Variants in TEX2 observed in about 807,000 individuals in gnomAD.
TEX2 encodes testis-expressed protein 2.
A neutral mutation model predicts 106.9 loss-of-function variants in TEX2; 53 were observed. That is an observed-to-expected ratio of 0.50 (90% CI 0.40 to 0.62). TEX2 has a LOEUF of 0.62. Ranked by LOEUF, TEX2 falls within the 20% of genes least tolerant of loss-of-function variation. TEX2 has a pLI of 0.00. For missense variants in TEX2, 1,207 were observed against 1,379.0 expected (o/e 0.88, Z 1.98); for synonymous variants, 523 against 534.8 (o/e 0.98, Z 0.30).
intron 1 of TEX2, among the ~76,000 whole-genome samples, chr17:64,254,650 T>C (rs2034152275): frequency 6.6e-6 from 1 of 152,242 alleles, no homozygotes; most frequent in Non-Finnish European, 1.5e-5. Context: ...ATAGAAACTT[T>C]CGACATATTA....
chr17:64,247,612 A>G (rs1598226051), intron 1 of TEX2, among the ~76,000 whole-genome samples: 1 of 152,092 alleles, frequency 6.6e-6, no homozygotes, highest in African/African-American at 2.4e-5. Flanking sequence ...CCGCGCGGGG[A>G]GCCTGCAGTT....
At chr17:64,190,460 G>A (rs1422662673) in intron 4 of TEX2, among the ~76,000 whole-genome samples, 1 of 152,126 alleles carries the variant, frequency 6.6e-6, no homozygotes, top group Non-Finnish European at 1.5e-5. Flanking sequence ...ATCCCATTGT[G>A]ACTGAGCCAC....
In TEX2 at chr17:64,214,074, CTCT is replaced by C. The variant is rs1555632238; in HGVS notation, c.141_143del (p.Glu51del). ...CAAAGTACTCCCTGAACTCCTCCTC[CTCT>C]TCCTCCTCCTCCTCGCCGGATGCCG... On this transcript the variant is annotated inframe_deletion, in exon 2 of 12. Coordinates refer to ENST00000584379, the MANE Select transcript of TEX2 (RefSeq NM_001288732.2). The C allele has an allele frequency of 6.2e-7, 1 of 1,614,156 alleles. No homozygotes were observed. The highest frequency in any genetic ancestry group is 1.1e-5 in the South Asian group (1 of 91,084).
chr17:64,192,352 A>T (rs2032330216), intron 4 of TEX2, among the ~76,000 whole-genome samples: 2 of 152,246 alleles, frequency 1.3e-5, no homozygotes, highest in South Asian at 4.1e-4. Flanking sequence ...AAGAAGACAC[A>T]GAGCCACTGA....
chr17:64,259,141 A>G (rs2143530465), intron 1 of TEX2, among the ~76,000 whole-genome samples: 1 of 152,324 alleles, frequency 6.6e-6, no homozygotes, highest in Middle Eastern at 3.4e-3. Flanking sequence ...TGATCCACGC[A>G]GCCATTGGGA....
In TEX2 at chr17:64,147,451, G is replaced by C. The variant is rs1205879393; in HGVS notation, c.*1518C>G. On this transcript the variant is annotated 3_prime_UTR_variant, in exon 12 of 12. Coordinates refer to ENST00000584379, the MANE Select transcript of TEX2 (RefSeq NM_001288732.2). Reference sequence around the variant, plus strand: ...ATGCTTATCTAGTATTTGACATTGAGATATTTATTTTGTGAAACAATGCAA... The same window carrying C: ...ATGCTTATCTAGTATTTGACATTGACATATTTATTTTGTGAAACAATGCAA... 6.6e-6 allele frequency: 1 copy of C among 152,070 alleles called. No homozygotes were observed. Among genetic ancestry groups the C allele is most frequent in the African/African-American group, 2.4e-5 (1 of 41,396 alleles). The allele number at this position is 152,070 out of a possible 1,614,324, so 9.4% of individuals were successfully genotyped here.
At chr17:64,251,097 T>C (rs1014847596) in intron 1 of TEX2, among the ~76,000 whole-genome samples, 4 of 152,186 alleles carry the variant, frequency 2.6e-5, no homozygotes, top group Non-Finnish European at 2.9e-5. Flanking sequence ...GTGCACCCCA[T>C]AGTACTTTGC....
intron 1 of TEX2, among the ~76,000 whole-genome samples, chr17:64,245,384 C>A (rs2033967405): frequency 6.6e-6 from 1 of 152,098 alleles, no homozygotes; most frequent in Admixed American, 6.6e-5. Context: ...ACATACAGAG[C>A]AGAGATCCTT....
chr17:64,251,350 T>C (rs574421805), intron 1 of TEX2, among the ~76,000 whole-genome samples: 2 of 152,342 alleles, frequency 1.3e-5, no homozygotes, highest in Admixed American at 6.5e-5. Context: ...TTCTGTGATT[T>C]TCCTGTAGGC....
At chr17:64,184,373 A>AT (rs1486212812) in intron 5 of TEX2, among the ~76,000 whole-genome samples, 4 of 152,158 alleles carry the variant, frequency 2.6e-5, no homozygotes, top group African/African-American at 4.8e-5. Flanking sequence ...AAGTGCTCAG[A>AT]TTATAGGCGT....
chr17:64,262,022 A>G (rs2143548065), intron 1 of TEX2, among the ~76,000 whole-genome samples: 1 of 152,154 alleles, frequency 6.6e-6, no homozygotes, highest in East Asian at 1.9e-4. Flanking sequence ...TATAAAAGTC[A>G]CTCGTTGTTT....
At chr17:64,203,296 G>T (rs1297863593) in intron 2 of TEX2, among the ~76,000 whole-genome samples, 2 of 152,190 alleles carry the variant, frequency 1.3e-5, no homozygotes, top group African/African-American at 4.8e-5. Context: ...TGGCATTTCA[G>T]TCCACCTGTC....
intron 8 of TEX2, among the ~76,000 whole-genome samples, chr17:64,158,747 G>A (rs182065618): frequency 1.5e-4 from 23 of 152,274 alleles, no homozygotes; most frequent in Middle Eastern, 3.4e-3. Context: ...CAGAAAGAAG[G>A]ACCCAGTGCT....
intron 2 of TEX2, among the ~76,000 whole-genome samples, chr17:64,210,102 AT>A (rs1375714381): frequency 2.0e-5 from 3 of 152,240 alleles, no homozygotes; most frequent in African/African-American, 7.2e-5. Context: ...TAGAGTTAAT[AT>A]AAGCGCAATT....
At chr17:64,261,111 C>T (rs2034280589) in intron 1 of TEX2, among the ~76,000 whole-genome samples, 1 of 152,114 alleles carries the variant, frequency 6.6e-6, no homozygotes, top group Non-Finnish European at 1.5e-5. Flanking sequence ...GTGCAGTTCT[C>T]CCCTCTCTTT....
chr17:64,155,756 G>A (rs929670582), intron 8 of TEX2: 3 of 152,254 alleles, frequency 2.0e-5, no homozygotes, highest in African/African-American at 4.8e-5. Flanking sequence ...TTCCAGAGGT[G>A]TGGGGTTGCT....
In TEX2 at chr17:64,248,047, C is replaced by T. The variant is rs1173980236; in HGVS notation, c.-26+15121G>A. ...AATCTCACTCCAGGAAGAAGACAGC[C>T]TTCTGGTGCCTCCCAAAGCTTTGCC... On this transcript the variant is annotated intron_variant, in intron 1 of 11. Coordinates refer to ENST00000584379, the MANE Select transcript of TEX2 (RefSeq NM_001288732.2). 2.6e-5 allele frequency among the ~76,000 whole-genome samples: 4 copies of T among 152,332 alleles called. No individual in the cohort carries two copies. The East Asian group carries it at 7.7e-4, about 29-fold the overall frequency.
At chr17:64,224,607 C>T (rs1047164088) in intron 1 of TEX2, among the ~76,000 whole-genome samples, 33 of 101,846 alleles carry the variant, frequency 3.2e-4, no homozygotes, top group African/African-American at 8.5e-4. Context: ...GTTAGGTTCC[C>T]AGGCCCCTAC....
intron 1 of TEX2, among the ~76,000 whole-genome samples, chr17:64,253,274 G>T (rs1027148768): frequency 6.6e-6 from 1 of 151,514 alleles, no homozygotes; most frequent in Non-Finnish European, 1.5e-5. Context: ...GAGTAATTGG[G>T]ACCACAGGCA....
Sources: allele counts gnomAD v4.1 joint callset (sites outside exome capture counted in the v4.1 genomes callset), GRCh38; gene constraint gnomAD v4.1.1; transcripts MANE v1.5; gene names NCBI Gene and HGNC (gene_info 2026-07-23, HGNC 2026-07-21).